The following CTSH variants were observed in gnomAD, a reference collection of about 807,000 sequenced individuals.
The protein encoded by CTSH is pro-cathepsin H.
In CTSH, 52 loss-of-function variants were observed where a neutral mutation model predicts 56.3. The ratio of observed to expected loss-of-function variants is 0.92; its 90% CI spans 0.74 to 1.16. The LOEUF is 1.16. Among genes scored for constraint, CTSH ranks in the 50% most tolerant of loss-of-function variants. CTSH has a pLI of 0.00. For synonymous variants in CTSH, 174 were observed against 155.7 expected (o/e 1.12, Z -0.88); for missense variants, 406 against 424.5 (o/e 0.96, Z 0.38).
At chr15:78,922,762 C>G (rs2054799827) in intron 11 of CTSH, among the ~76,000 whole-genome samples, 1 of 152,204 alleles carries the variant, frequency 6.6e-6, no homozygotes, top group Non-Finnish European at 1.5e-5. Context: ...CAGCTGGCCT[C>G]CTGCTCTCCC....
chr15:78,925,583 C>G, intron 9 of CTSH, 143 bp from the exon 10 acceptor site: 2 of 600,058 alleles, frequency 3.3e-6, no homozygotes, highest in Admixed American at 4.9e-5. Context: ...GCCTCTCTCC[C>G]TTCCTGTCTC....
At chr15:78,928,185 A>G (rs964606201) in intron 8 of CTSH, among the ~76,000 whole-genome samples, 4 of 152,102 alleles carry the variant, frequency 2.6e-5, no homozygotes, top group African/African-American at 9.7e-5. Flanking sequence ...GGCAGGAGAG[A>G]AGGCAGCAGG....
rs774308252 is a variant in CTSH at position 78,939,203 on chromosome 15, C to A, written c.92-32G>T. 7.0e-6 allele frequency: 11 copies of A among 1,564,336 alleles called. No individual in the cohort carries two copies. The East Asian group carries it at 1.8e-4, about 26-fold the overall frequency. ...AAAGAAAAAAAAAATTAGGTCTGGG[C>A]GCATCACAGTAATGTTGAGTCTATA... On this transcript the variant is annotated intron_variant, in intron 1 of 11. Coordinates refer to ENST00000220166, the MANE Select transcript of CTSH (RefSeq NM_004390.5).
rs375764628 is a variant in CTSH at position 78,929,093 on chromosome 15, C to T, written c.630+319G>A. On this transcript the variant is annotated intron_variant, in intron 8 of 11. Coordinates refer to ENST00000220166, the MANE Select transcript of CTSH (RefSeq NM_004390.5). Reference sequence around the variant, plus strand: ...TGGACAGAGGCGAGAGGATGGCGCTCGTGGCAGGAGGGAGAGGAGCCAGGA... The same window carrying T: ...TGGACAGAGGCGAGAGGATGGCGCTTGTGGCAGGAGGGAGAGGAGCCAGGA... 1.7e-4 allele frequency among the ~76,000 whole-genome samples: 25 copies of T among 150,262 alleles called. No individual in the cohort carries two copies. The East Asian group carries it at 2.6e-3, about 15-fold the overall frequency.
intron 8 of CTSH, 66 bp downstream of exon 8, chr15:78,929,346 C>T: frequency 6.5e-6 from 8 of 1,238,116 alleles, no homozygotes; most frequent in Non-Finnish European, 8.3e-6. Flanking sequence ...TCTTCCAAGG[C>T]TGGGGAGGGA....
At chr15:78,934,882 G>T in intron 5 of CTSH, 96 bp downstream of exon 5, 1 of 814,974 alleles carries the variant, frequency 1.2e-6, no homozygotes, top group Non-Finnish European at 2.2e-6. Context: ...GGATGTGCTT[G>T]TGGTGGTTTT....
chr15:78,937,174 C>T (rs982455686), intron 3 of CTSH, 144 bp downstream of exon 3: 9 of 654,322 alleles, frequency 1.4e-5, no homozygotes, highest in African/African-American at 3.6e-5. Flanking sequence ...AGAGTAACAG[C>T]GGAGCCACAA....
In CTSH at chr15:78,921,935, C is replaced by G. The variant is rs4987056; in HGVS notation, c.*195G>C. The G allele has an allele frequency of 6.8e-6, 4 of 589,450 alleles. No individual in the cohort carries two copies. The highest frequency in any genetic ancestry group is 1.2e-5 in the Non-Finnish European group (4 of 331,172). 36.5% of individuals were successfully genotyped at this position (589,450 alleles called of 1,614,324 possible). A position where few individuals can be genotyped will look rare whatever the true frequency, so the allele number is the denominator to read the frequency against. On this transcript the variant is annotated 3_prime_UTR_variant, in exon 12 of 12. Transcript: ENST00000220166. ...TAAGGCACATGGCTGGTGATCTTTG[C>G]GTCATAGACACGGGTGAGCTCATGG...
intron 5 of CTSH, 124 bp downstream of exon 5, chr15:78,934,854 G>A (rs761955150): frequency 3.0e-5 from 22 of 739,422 alleles, no homozygotes; most frequent in African/African-American, 5.2e-5. Context: ...GAGAGATGCC[G>A]AGAGGAAACA....
intron 5 of CTSH, among the ~76,000 whole-genome samples, chr15:78,934,265 G>A (rs1421675842): frequency 6.6e-6 from 1 of 152,256 alleles, no homozygotes; most frequent in Admixed American, 6.5e-5. Context: ...TCGATGGAAA[G>A]CCAGGAGTTT....
chr15:78,944,017 C>G (rs1010745359), intron 1 of CTSH, among the ~76,000 whole-genome samples: 4 of 152,244 alleles, frequency 2.6e-5, no homozygotes, highest in Non-Finnish European at 4.4e-5. Context: ...GTCCCATCCC[C>G]TGAGCCTCTA....
Position 78,923,062 on chromosome 15 carries a change from T to C in CTSH, c.863A>G (p.Tyr288Cys), listed in dbSNP as rs1288925087. ...GTAAGGGATCCCATTTTTTTCTCCA[T>C]ACCCAACAGCCAGTACTGCATGGTT... is the stretch of plus-strand genomic sequence containing the variant. ...KVNHAVLAVGYGEKNGIPYWI... is the reference protein window; with the variant it reads ...KVNHAVLAVGCGEKNGIPYWI... Residue 288 changes from tyrosine (Y) to cysteine (C), a missense_variant, in exon 11 of 12, where the codon TAT (tyrosine) becomes TGT (cysteine). By Grantham distance (194) the Tyr-to-Cys change is radical. Coordinates refer to ENST00000220166, the MANE Select transcript of CTSH (RefSeq NM_004390.5). 6.8e-6 allele frequency: 11 copies of C among 1,613,568 alleles called. No homozygotes were observed. Among genetic ancestry groups the C allele is most frequent in the Admixed American group, 3.3e-5 (2 of 59,864 alleles).
Position 78,932,352 on chromosome 15 carries a change from G to T in CTSH, c.492+20C>A. The T allele has an allele frequency of 6.2e-7, 1 of 1,608,466 alleles. No homozygotes were observed. The highest frequency in any genetic ancestry group is 8.5e-7 in the Non-Finnish European group (1 of 1,174,954). ...GATGGGGTGTCCTCCGCAGGGGGTC[G>T]CCTGTGGCTGATTTCTTACCAAGGA... On this transcript the variant is annotated intron_variant, in intron 6 of 11. Transcript: ENST00000220166.
chr15:78,941,926 T>C (rs2870085), intron 1 of CTSH, among the ~76,000 whole-genome samples: 77,184 of 152,058 alleles, frequency 0.51, 22,837 homozygotes, highest in Non-Finnish European at 0.68. Context: ...TAAAATTGTA[T>C]CAGAAATGCA....
intron 7 of CTSH, among the ~76,000 whole-genome samples, chr15:78,930,569 T>TAAAA (rs879826755): frequency 3.0e-5 from 4 of 135,232 alleles, no homozygotes; most frequent in African/African-American, 8.7e-5. Context: ...AATAAATAAA[T>TAAAA]AAAAAATAAA....
intron 1 of CTSH, among the ~76,000 whole-genome samples, chr15:78,942,954 A>G (rs1460634805): frequency 6.6e-6 from 1 of 152,174 alleles, no homozygotes; most frequent in Non-Finnish European, 1.5e-5. Flanking sequence ...ACATTTCCTC[A>G]ACATGGCTCC....
chr15:78,922,859 C>CCCTGG (rs1177175297), intron 11 of CTSH, 134 bp downstream of exon 11: 1 of 1,082,608 alleles, frequency 9.2e-7, no homozygotes, highest in Non-Finnish European at 1.3e-6. Context: ...CTCCCTTTCC[C>CCCTGG]CCTGGCCTGG....
intron 9 of CTSH, chr15:78,926,574 A>G (rs1487352106): frequency 6.6e-6 from 1 of 152,242 alleles, no homozygotes; most frequent in African/African-American, 2.4e-5. Flanking sequence ...TGTCCTTGGG[A>G]TATCATGGCC....
chr15:78,923,675 CCT>C (rs1445991545), intron 10 of CTSH, among the ~76,000 whole-genome samples: 6 of 152,300 alleles, frequency 3.9e-5, no homozygotes, highest in Admixed American at 1.3e-4. Context: ...CTTTCTACTC[CCT>C]CTTTCCTGGC....
Sources: allele counts gnomAD v4.1 joint callset (sites outside exome capture counted in the v4.1 genomes callset), GRCh38; gene constraint gnomAD v4.1.1; transcripts MANE v1.5; gene names NCBI Gene and HGNC (gene_info 2026-07-23, HGNC 2026-07-21).